The following SMCO2 variants were observed in gnomAD, a reference collection of about 807,000 sequenced individuals.
SMCO2 encodes the protein single-pass membrane and coiled-coil domain-containing protein 2.
Under a neutral mutation model 29.5 loss-of-function variants are expected in SMCO2, and 25 were observed. The ratio of observed to expected loss-of-function variants is 0.85; its 90% CI spans 0.62 to 1.18. The LOEUF is 1.18. Ranked by LOEUF, SMCO2 falls within the 50% of genes most tolerant of loss-of-function variation. The pLI is 0.00. For missense variants in SMCO2, 348 were observed against 344.5 expected (o/e 1.01, Z -0.08); for synonymous variants, 117 against 123.3 (o/e 0.95, Z 0.34).
At chr12:27,485,771 T>G (rs1949684530) in intron 4 of SMCO2, among the ~76,000 whole-genome samples, 1 of 152,196 alleles carries the variant, frequency 6.6e-6, no homozygotes, top group East Asian at 1.9e-4. Context: ...AGACTGTTGC[T>G]TCCTGCTTCT....
intron 1 of SMCO2, among the ~76,000 whole-genome samples, chr12:27,470,005 C>G (rs1378260690): frequency 6.6e-6 from 1 of 152,206 alleles, no homozygotes; most frequent in African/African-American, 2.4e-5. Context: ...AATTCCACCT[C>G]TAAGGAAGTA....
At chr12:27,425,792 A>C in the SMCO2 span, among the ~76,000 whole-genome samples, 1 of 152,146 alleles carries the variant, frequency 6.6e-6, no homozygotes, top group East Asian at 1.9e-4. Context: ...CTAATTCTAG[A>C]GAGTCAACCA....
the SMCO2 span, among the ~76,000 whole-genome samples, chr12:27,434,319 C>T: frequency 1.2e-4 from 19 of 152,082 alleles, no homozygotes; most frequent in African/African-American, 4.3e-4. Flanking sequence ...TACGTGATTC[C>T]GAGACACGCT....
intron 4 of SMCO2, among the ~76,000 whole-genome samples, chr12:27,476,496 C>G (rs1458836868): frequency 6.6e-6 from 1 of 152,110 alleles, no homozygotes; most frequent in Non-Finnish European, 1.5e-5. Flanking sequence ...AAGTCTGTCT[C>G]TCCCTTTAGA....
At chr12:27,474,664 T>C in intron 3 of SMCO2, 122 bp from the exon 4 acceptor site, 1 of 1,126,016 alleles carries the variant, frequency 8.9e-7, no homozygotes, top group Non-Finnish European at 1.2e-6. Flanking sequence ...ATCAGAAAGC[T>C]CCAGTCTCAG....
At chr12:27,437,859 T>C in the SMCO2 span, among the ~76,000 whole-genome samples, 1 of 152,218 alleles carries the variant, frequency 6.6e-6, no homozygotes, top group Admixed American at 6.5e-5. Context: ...TGTCTCCCTC[T>C]TTTGTATCTT....
In SMCO2 at chr12:27,490,128, A is replaced by G. The variant is rs371124981; in HGVS notation, c.450+1581A>G. ...ACAATTCAAATATCTGCCAGTTGTC[A>G]TTTGGATAAACTGCAGTACACGTAC... On this transcript the variant is annotated intron_variant, in intron 5 of 7. Transcript: ENST00000298876. Among the ~76,000 whole-genome samples the G allele has an allele frequency of 4.8e-4, 73 of 152,378 alleles. No individual in the cohort carries two copies. In the South Asian group the frequency reaches 0.013, roughly 27 times the overall value.
At chr12:27,439,426 A>C in the SMCO2 span, among the ~76,000 whole-genome samples, 1 of 152,222 alleles carries the variant, frequency 6.6e-6, no homozygotes, top group Admixed American at 6.5e-5. Context: ...CCTTCAATGC[A>C]AAGACGTAGA....
At chr12:27,456,444 G>A in the SMCO2 span, among the ~76,000 whole-genome samples, 1 of 152,170 alleles carries the variant, frequency 6.6e-6, no homozygotes, top group East Asian at 1.9e-4. Context: ...TTCTTAGTGT[G>A]TAACCTGGTC....
chr12:27,471,415 T>G (rs1949540205), intron 2 of SMCO2, among the ~76,000 whole-genome samples: 1 of 152,140 alleles, frequency 6.6e-6, no homozygotes, highest in Non-Finnish European at 1.5e-5. Flanking sequence ...AGATTAGATG[T>G]GAAGTGACTC....
exon 8 of SMCO2, chr12:27,502,047 C>G (rs754829548): frequency 6.5e-7 from 1 of 1,547,960 alleles, no homozygotes; most frequent in Non-Finnish European, 8.7e-7. Flanking sequence ...GCTTGGGTGC[C>G]GCACCACATG....
chr12:27,497,536 G>A (rs1438919164), intron 7 of SMCO2: 1 of 160,510 alleles, frequency 6.2e-6, no homozygotes, highest in Non-Finnish European at 1.4e-5. Flanking sequence ...AGCCCCAGGA[G>A]TTTGAGACCA....
At chr12:27,498,492 T>G (rs1943038457) in intron 7 of SMCO2, 2 of 227,260 alleles carry the variant, frequency 8.8e-6, no homozygotes, top group Admixed American at 4.3e-5. Context: ...GGAGAGATAT[T>G]GAAGGTGAAC....
intron 2 of SMCO2, 78 bp from the exon 3 acceptor site, chr12:27,472,698 T>C (rs1368884608): frequency 9.5e-7 from 1 of 1,052,384 alleles, no homozygotes; most frequent in East Asian, 2.6e-5. Context: ...TGTTCTCCCT[T>C]TAGAAAGGAG....
At chr12:27,491,770 C>G (rs955662053) in intron 5 of SMCO2, among the ~76,000 whole-genome samples, 11 of 150,394 alleles carry the variant, frequency 7.3e-5, no homozygotes, top group Non-Finnish European at 1.5e-4. Flanking sequence ...ATGGCGCTAT[C>G]TCGGCTCACT....
chr12:27,425,230 T>C, the SMCO2 span: 2 of 152,184 alleles, frequency 1.3e-5, no homozygotes, highest in Admixed American at 1.3e-4. Context: ...TGAAATTATA[T>C]TTTATAATTA....
intron 4 of SMCO2, among the ~76,000 whole-genome samples, chr12:27,484,846 C>T (rs1241421451): frequency 1.4e-5 from 1 of 73,156 alleles, no homozygotes; most frequent in East Asian, 4.1e-4. Flanking sequence ...AGTAAGACTC[C>T]ATCTCAAAAA....
At chr12:27,467,846 A>G (rs1199966081) in intron 1 of SMCO2, among the ~76,000 whole-genome samples, 1 of 152,190 alleles carries the variant, frequency 6.6e-6, no homozygotes, top group East Asian at 1.9e-4. Flanking sequence ...ACCACAGGGT[A>G]ATCATGAGGG....
the SMCO2 span, among the ~76,000 whole-genome samples, chr12:27,450,436 C>A: frequency 6.6e-6 from 1 of 152,128 alleles, no homozygotes; most frequent in African/African-American, 2.4e-5. Context: ...GCTGAGGCTT[C>A]TTCTCACCTA....
Sources: allele counts gnomAD v4.1 joint callset (sites outside exome capture counted in the v4.1 genomes callset), GRCh38; gene constraint gnomAD v4.1.1; transcripts MANE v1.5; gene names NCBI Gene and HGNC (gene_info 2026-07-23, HGNC 2026-07-21).